ZZEF1: variants seen among roughly 807,000 people sequenced by gnomAD.
ZZEF1 encodes the protein zinc finger ZZ-type and EF-hand domain-containing protein 1.
A neutral mutation model predicts 342.8 loss-of-function variants in ZZEF1; 157 were observed. The ratio of observed to expected loss-of-function variants is 0.46; its 90% CI spans 0.40 to 0.52. The LOEUF (loss-of-function observed/expected upper bound fraction) is 0.52. Among genes scored for constraint, ZZEF1 ranks in the 20% least tolerant of loss-of-function variants. The pLI is 0.00. For synonymous variants in ZZEF1, 1,505 were observed against 1,429.1 expected (o/e 1.05, Z -1.20); for missense variants, 3,480 against 3,725.6 (o/e 0.93, Z 1.72).
chr17:4,129,498 A>G (rs2058630381), intron 1 of ZZEF1, among the ~76,000 whole-genome samples: 1 of 152,218 alleles, frequency 6.6e-6, no homozygotes, highest in Non-Finnish European at 1.5e-5. Flanking sequence ...TCAATGACAG[A>G]CTGGATGAAG....
At chr17:4,118,918 A>G (rs1268106051) in intron 2 of ZZEF1, among the ~76,000 whole-genome samples, 1 of 152,248 alleles carries the variant, frequency 6.6e-6, no homozygotes, top group Non-Finnish European at 1.5e-5. Context: ...TCCAATCTGC[A>G]CAATGTCATC....
chr17:4,053,865 C>T (rs755679553), intron 34 of ZZEF1, among the ~76,000 whole-genome samples, 192 bp downstream of exon 34: 3 of 152,150 alleles, frequency 2.0e-5, no homozygotes, highest in Admixed American at 6.5e-5. Context: ...GAAGGAAGCA[C>T]GACAGATATT....
chr17:4,117,240 A>G (rs1231614342), intron 2 of ZZEF1, 74 bp from the exon 3 acceptor site: 3 of 1,218,680 alleles, frequency 2.5e-6, no homozygotes, highest in African/African-American at 1.5e-5. Flanking sequence ...CTGGTGGCCT[A>G]TCTGAATTGG....
chr17:4,126,976 C>CACAAA (rs1007910280), intron 1 of ZZEF1, among the ~76,000 whole-genome samples: 2 of 150,874 alleles, frequency 1.3e-5, no homozygotes, highest in African/African-American at 4.9e-5. Context: ...CAACAACAAA[C>CACAAA]ACAAAACAAA....
At chr17:4,123,290 T>C (rs1205825915) in intron 2 of ZZEF1, among the ~76,000 whole-genome samples, 2 of 96,280 alleles carry the variant, frequency 2.1e-5, no homozygotes, top group South Asian at 3.2e-4. Context: ...TATATATATA[T>C]ATATATATAT....
At chr17:4,024,291 G>A (rs548634601) in intron 43 of ZZEF1, among the ~76,000 whole-genome samples, 6 of 144,310 alleles carry the variant, frequency 4.2e-5, no homozygotes, top group Non-Finnish European at 6.0e-5. Flanking sequence ...TCTGCCTCCC[G>A]GGTTCAAGTG....
rs756738771 is a variant in ZZEF1, at chr17:4,013,416, T to C, written c.8579+33A>G. 3 of 1,547,258 alleles carry C rather than the reference T, an allele frequency of 1.9e-6. No individual in the cohort carries two copies. In the African/African-American group the frequency reaches 4.1e-5, roughly 21 times the overall value. On this transcript the variant is annotated intron_variant, in intron 52 of 54. Transcript: ENST00000381638. ...GCCACAGAGTGGGGATACATATGCC[T>C]GGCAAAGGGCTGCCATCCGGGACAC...
At chr17:4,083,672 C>T (rs1355815128) in intron 16 of ZZEF1, among the ~76,000 whole-genome samples, 2 of 140,360 alleles carry the variant, frequency 1.4e-5, no homozygotes, top group Non-Finnish European at 3.0e-5. Flanking sequence ...GAATCTCGCT[C>T]TGTTGCCCAG....
Position 4,082,460 on chromosome 17 carries a change from G to A in ZZEF1, c.2691C>T (p.Phe897=), listed in dbSNP as rs764373039. The part of the protein sequence containing the change: ...QEHKQSLQLT[F]RSLCTYFSDK... ...ACCTAAAATACGTGCACAGTGAACG[G>A]AAAGTGAGCTGCAGGGACTGCTTGT... is the stretch of plus-strand genomic sequence containing the variant. The change falls in exon 17 of 55, where the codon TTC becomes TTT. Residue 897 remains phenylalanine (F), a synonymous_variant. Coordinates refer to ENST00000381638, the MANE Select transcript of ZZEF1 (RefSeq NM_015113.4). 6.2e-7 allele frequency: 1 copy of A among 1,614,132 alleles called. No homozygotes were observed. Among genetic ancestry groups the A allele is most frequent in the Non-Finnish European group, 8.5e-7 (1 of 1,179,986 alleles).
intron 52 of ZZEF1, among the ~76,000 whole-genome samples, chr17:4,013,005 T>A (rs989181685): frequency 2.0e-5 from 3 of 151,798 alleles, no homozygotes; most frequent in Non-Finnish European, 4.4e-5. Context: ...GGACTTGATG[T>A]TCTAAAGATC....
Position 4,016,405 on chromosome 17 carries a change from G to T in ZZEF1, c.8063C>A (p.Ala2688Glu), listed in dbSNP as rs2056102071. ...TCCTGGCTCCTCCATGAACTGGCAT[G>T]CAGCCAGGGCCATGGTCCCCAGCAT... is the stretch of plus-strand genomic sequence containing the variant. ...EDMLGTMALAACQFMEEPGME... is the reference protein window; with the variant it reads ...EDMLGTMALAECQFMEEPGME... Residue 2688 changes from alanine to glutamate, a missense_variant, in exon 49 of 55, where the codon GCA (alanine) becomes GAA (glutamate). Around this residue, in one of 5 missense-constraint regions of ZZEF1, gnomAD observed 1,269 missense variants for 1,342.4 expected, o/e 0.95. Transcript: ENST00000381638. This position sits in a 1 kb window ranked among gnomAD's most constrained non-coding sequence, Gnocchi z 4.4. 1 of 1,614,012 alleles carries T rather than the reference G, an allele frequency of 6.2e-7. No homozygotes were observed. The highest frequency in any genetic ancestry group is 8.5e-7 in the Non-Finnish European group (1 of 1,180,044).
Position 4,014,429 on chromosome 17 carries a change from G to T in ZZEF1, c.8232C>A (p.Ala2744=). The change falls in exon 50 of 55, where the codon GCC becomes GCA. Residue 2744 remains alanine, a synonymous_variant. Coordinates refer to ENST00000381638, the MANE Select transcript of ZZEF1 (RefSeq NM_015113.4). This position sits in a 1 kb window ranked among gnomAD's most constrained non-coding sequence, Gnocchi z 4.4. Reference sequence around the variant, plus strand: ...GCTGGAAGTCACTGCTGCTGGACATGGCTAACTCGTCACAGCCCTCCTCTG... The same window carrying T: ...GCTGGAAGTCACTGCTGCTGGACATTGCTAACTCGTCACAGCCCTCCTCTG... ...CNTEEGCDEL[A]MSSSSDFQQD... 5.0e-6 allele frequency: 8 copies of T among 1,614,222 alleles called. No homozygotes were observed. Among genetic ancestry groups the T allele is most frequent in the Non-Finnish European group, 6.8e-6 (8 of 1,180,040 alleles).
chr17:4,110,571 C>T (rs538009285), intron 5 of ZZEF1, among the ~76,000 whole-genome samples: 2 of 152,114 alleles, frequency 1.3e-5, no homozygotes, highest in African/African-American at 2.4e-5. Context: ...CATTCCGGCT[C>T]CCTGAACGAA....
chr17:4,005,913 A>C lies in ZZEF1; in HGVS notation c.*977T>G, dbSNP rs1163398063. 2 of 152,214 alleles carry C rather than the reference A, an allele frequency of 1.3e-5. No homozygotes were observed. The highest frequency in any genetic ancestry group is 2.9e-5 in the Non-Finnish European group (2 of 68,050). 9.4% of individuals were successfully genotyped at this position (152,214 alleles called of 1,614,324 possible). ...AAACCCATCAAAAGAAAAATGTAAA[A>C]CAGCACTGACTAGAACTAATGTCGT... is the stretch of plus-strand genomic sequence containing the variant. On this transcript the variant is annotated 3_prime_UTR_variant, in exon 55 of 55. Coordinates refer to ENST00000381638, the MANE Select transcript of ZZEF1 (RefSeq NM_015113.4).
rs146407071 is a variant in ZZEF1, at chr17:4,008,948, C to T, written c.8740G>A (p.Gly2914Ser). ...FVTENRAQEL[G>S]VLQDYLLALT... Reference sequence around the variant, plus strand: ...GCCAGCAGGTAATCCTGCAGCACGCCAAGCTCCTGCAGAGAGAGAGCAGGG... The same window carrying T: ...GCCAGCAGGTAATCCTGCAGCACGCTAAGCTCCTGCAGAGAGAGAGCAGGG... Residue 2914 changes from glycine to serine, a missense_variant, in exon 54 of 55, where the codon GGC becomes AGC. This residue lies in a region of ZZEF1 where 1,269 missense variants were observed against 1,342.4 expected (regional missense o/e 0.95). Coordinates refer to ENST00000381638, the MANE Select transcript of ZZEF1 (RefSeq NM_015113.4). This position sits in a 1 kb window ranked among gnomAD's most constrained non-coding sequence, Gnocchi z 4.2. 696 of 1,540,842 alleles carry T rather than the reference C, an allele frequency of 4.5e-4. No individual in the cohort carries two copies. Among genetic ancestry groups the T allele is most frequent in the Non-Finnish European group, 5.8e-4 (669 of 1,147,104 alleles).
Position 4,081,370 on chromosome 17 carries a change from G to A in ZZEF1, c.2829+6C>T, listed in dbSNP as rs112275854. On this transcript the variant is annotated splice_donor_region_variant and intron_variant, in intron 18 of 54. Transcript: ENST00000381638. ...CAAAGAAAACAGGGAGGCAGCCACT[G>A]GATACCTCTCGAGCAGCAACAGAGA... 2.7e-4 allele frequency: 431 copies of A among 1,611,794 alleles called. 6 individuals carry two copies. The African/African-American group carries it at 4.2e-3, about 16-fold the overall frequency.
Position 4,102,365 on chromosome 17 carries a change from C to A in ZZEF1, c.1624G>T (p.Asp542Tyr). The A allele has an allele frequency of 6.2e-7, 1 of 1,613,962 alleles. No homozygotes were observed. Among genetic ancestry groups the A allele is most frequent in the Non-Finnish European group, 8.5e-7 (1 of 1,179,850 alleles). Residue 542 changes from aspartate to tyrosine, a missense_variant, in exon 9 of 55, where the codon GAT becomes TAT. By Grantham distance (160) the Asp-to-Tyr change is radical. Transcript: ENST00000381638. ...LQACDVKGKE[D>Y]KSGPENLLVE... ...AGGAGGTTTTCGGGTCCAGACTTATCTTCTTTTCCTTTGACATCACATGCC... is the reference window on the plus strand; with the variant it reads ...AGGAGGTTTTCGGGTCCAGACTTATATTCTTTTCCTTTGACATCACATGCC...
intron 1 of ZZEF1, 108 bp downstream of exon 1, chr17:4,142,434 T>A (rs2058874269): frequency 5.1e-6 from 6 of 1,183,586 alleles, no homozygotes; most frequent in Non-Finnish European, 7.0e-6. Flanking sequence ...TGGAAACACC[T>A]CATATGGGTC....
chr17:4,022,068 T>G (rs781007031), intron 44 of ZZEF1, among the ~76,000 whole-genome samples: 1 of 152,230 alleles, frequency 6.6e-6, no homozygotes, highest in Non-Finnish European at 1.5e-5. Context: ...ACATTTTCCT[T>G]AAACCTAACC....
Sources: gnomAD v4.1 joint callset for allele counts (sites outside exome capture counted in the v4.1 genomes callset) on GRCh38, gnomAD v4.1.1 for gene constraint, gnomAD v4.1.1 regional missense constraint, Gnocchi (gnomAD v3.1) non-coding constraint, MANE v1.5 for transcripts, NCBI Gene and HGNC (gene_info 2026-07-23, HGNC 2026-07-21) for gene names.